Variants in MUC5B observed in about 807,000 individuals in gnomAD.
The protein encoded by MUC5B is mucin 5B, oligomeric mucus/gel-forming, also known as mucin-5B.
A neutral mutation model predicts 376.9 loss-of-function variants in MUC5B; 116 were observed. The ratio of observed to expected loss-of-function variants is 0.31; its 90% CI spans 0.26 to 0.36. The LOEUF is 0.36. Ranked by LOEUF, MUC5B falls within the 10% of genes least tolerant of loss-of-function variation. The pLI is 1.00. For synonymous variants in MUC5B, 3,517 were observed against 3,390.9 expected, an observed-to-expected ratio of 1.04 and a Z score of -1.29; for missense variants, 7,165 against 7,769.9, an observed-to-expected ratio of 0.92 and a Z score of 2.93.
At chr11:1,232,565 C>A (rs756790122) in intron 16 of MUC5B, 21 bp downstream of exon 16, 1 of 1,606,554 alleles carries the variant, frequency 6.2e-7, no homozygotes, top group Non-Finnish European at 8.5e-7. Context: ...GAGGCCAGAC[C>A]CCCACGCCTG....
rs747146861 is a variant in MUC5B, at chr11:1,231,604, G to A, written c.1678+44G>A. ...CTTCGGGGACAGGGCCATTGGGGAC[G>A]GGGCCTGGACTAGCGCCAGGCTGCA... On this transcript the variant is annotated intron_variant, in intron 14 of 48. Coordinates refer to ENST00000529681, the MANE Select transcript of MUC5B (RefSeq NM_002458.3). The A allele has an allele frequency of 3.5e-5, 53 of 1,534,484 alleles. No individual in the cohort carries two copies. In the Admixed American group the frequency reaches 5.4e-4, roughly 15 times the overall value.
chr11:1,232,780 C>T lies in MUC5B; in HGVS notation c.2065+10C>T, dbSNP rs1862058986. 6.3e-7 allele frequency: 1 copy of T among 1,585,132 alleles called. No homozygotes were observed. On this transcript the variant is annotated intron_variant, in intron 17 of 48. Transcript: ENST00000529681. ...AGGGACGGCGTCTGCAGTGAGTGCC[C>T]ACGCTGGGGGTGGGATGTGTCCACA...
At chr11:1,240,114 G>A (rs773318378) in intron 29 of MUC5B, 26 bp downstream of exon 29, 8 of 1,561,580 alleles carry the variant, frequency 5.1e-6, no homozygotes, top group African/African-American at 1.4e-5. Context: ...GGGGTTAGTG[G>A]GCCGGTGAAG....
chr11:1,256,280 C>G (rs2133851251), intron 38 of MUC5B, 55 bp downstream of exon 38: 1 of 712,512 alleles, frequency 1.4e-6, no homozygotes, highest in East Asian at 2.7e-5. Context: ...CCTGACCGGT[C>G]TGGGGGAGCA....
intron 9 of MUC5B, 77 bp downstream of exon 9, chr11:1,229,372 C>G (rs553770495): frequency 8.4e-6 from 12 of 1,434,098 alleles, no homozygotes; most frequent in African/African-American, 1.4e-5. Context: ...CCTCATCAGG[C>G]GTGGAAGCAG....
At chr11:1,225,318 T>A (rs1212413836) in intron 1 of MUC5B, among the ~76,000 whole-genome samples, 1 of 152,200 alleles carries the variant, frequency 6.6e-6, no homozygotes, top group Non-Finnish European at 1.5e-5. Context: ...TTTTCCTGAT[T>A]CCATTTTCTC....
In MUC5B at chr11:1,257,773, C is replaced by G; in HGVS notation, c.16450+63C>G. 5 of 1,485,838 alleles carry G rather than the reference C, an allele frequency of 3.4e-6. No homozygotes were observed. The highest frequency in any genetic ancestry group is 4.5e-6 in the Non-Finnish European group (5 of 1,116,068). The allele number at this position is 1,485,838 out of a possible 1,614,324, so 92.0% of individuals were successfully genotyped here. The stretch of plus-strand genomic sequence containing the variant: ...GAGGGGGGACAGAGCCGGTGCCCAC[C>G]AGGGGCCTGTGGGTTGGGCACAGGA... On this transcript the variant is annotated intron_variant, in intron 41 of 48. Coordinates refer to ENST00000529681, the MANE Select transcript of MUC5B (RefSeq NM_002458.3). This position sits in a 1 kb window ranked among gnomAD's most constrained non-coding sequence, Gnocchi z 8.9.
chr11:1,239,065 C>T, intron 26 of MUC5B, 38 bp downstream of exon 26: 3 of 1,558,736 alleles, frequency 1.9e-6, no homozygotes, highest in East Asian at 2.4e-5. Context: ...AAGGGTGGAG[C>T]TGCTGGGGCA....
intron 18 of MUC5B, 29 bp downstream of exon 18, chr11:1,233,297 C>A: frequency 6.7e-7 from 1 of 1,498,164 alleles, no homozygotes; most frequent in Non-Finnish European, 8.9e-7. Flanking sequence ...AGCAGGCCCC[C>A]CAGGTGCTCC....
At position 1,261,880 on chromosome 11, in the gene MUC5B, C is replaced by G; in HGVS notation, c.*272C>G. Reference sequence around the variant, plus strand: ...TTGCCCCTCCCTGATGTCACTGGGACGCCCTGGAACAAACTAAGCATGTGC... The same window carrying G: ...TTGCCCCTCCCTGATGTCACTGGGAGGCCCTGGAACAAACTAAGCATGTGC... On this transcript the variant is annotated 3_prime_UTR_variant, in exon 49 of 49. Coordinates refer to ENST00000529681, the MANE Select transcript of MUC5B (RefSeq NM_002458.3). 1.5e-6 allele frequency: 1 copy of G among 670,788 alleles called. No individual in the cohort carries two copies. Among genetic ancestry groups the G allele is most frequent in the Admixed American group, 2.0e-5 (1 of 48,832 alleles). The allele number at this position is 670,788 out of a possible 1,614,324, so 41.6% of individuals were successfully genotyped here.
chr11:1,233,830 T>C lies in MUC5B; in HGVS notation c.2359T>C (p.Ser787Pro). ...TGGKLSCLGASLQKSTGCAAP... is the reference protein window; with the variant it reads ...TGGKLSCLGAPLQKSTGCAAP... ...TGGGAAGCTAAGCTGCCTGGGAGCC[T>C]CTCTGCAGAAAAGCACAGGTAAGTG... Residue 787 changes from serine to proline, a missense_variant, in exon 19 of 49, where the codon TCT (serine) becomes CCT (proline). This residue lies in a region of MUC5B where 530 missense variants were observed against 604.0 expected (regional missense o/e 0.88). Transcript: ENST00000529681. 1.2e-6 allele frequency: 2 copies of C among 1,604,360 alleles called. No homozygotes were observed. The highest frequency in any genetic ancestry group is 1.7e-6 in the Non-Finnish European group (2 of 1,176,118).
chr11:1,259,132 T>TGCCCCCAAGTGAGACCCGAGGCACCC, intron 44 of MUC5B, 71 bp downstream of exon 44: 1 of 1,379,176 alleles, frequency 7.3e-7, no homozygotes, highest in Non-Finnish European at 9.7e-7. Context: ...CCGAGGCACC[T>TGCCCCCAAGTGAGACCCGAGGCACCC]GCCCCCAGGT....
At position 1,261,688 on chromosome 11, in the gene MUC5B, C is replaced by T; in HGVS notation, c.*80C>T. On this transcript the variant is annotated 3_prime_UTR_variant, in exon 49 of 49. Transcript: ENST00000529681. ...GTCTGATCATGAAAACCTTGGGCCTCCTCTGCGGAGCCCCCCGGCCTGTGT... is the reference window on the plus strand; with the variant it reads ...GTCTGATCATGAAAACCTTGGGCCTTCTCTGCGGAGCCCCCCGGCCTGTGT... 1.4e-6 allele frequency: 2 copies of T among 1,391,272 alleles called. No homozygotes were observed. Among genetic ancestry groups the T allele is most frequent in the South Asian group, 1.2e-5 (1 of 81,006 alleles). The allele number at this position is 1,391,272 out of a possible 1,614,324, so 86.2% of individuals were successfully genotyped here.
chr11:1,237,726 G>A (rs1049418663), intron 25 of MUC5B, among the ~76,000 whole-genome samples: 4 of 151,882 alleles, frequency 2.6e-5, no homozygotes, highest in Non-Finnish European at 4.4e-5. Context: ...AAAAATAGCC[G>A]GGTGTGGTGG....
At chr11:1,227,538 T>C in intron 6 of MUC5B, 137 bp from the exon 7 acceptor site, 1 of 699,154 alleles carries the variant, frequency 1.4e-6, no homozygotes, top group Non-Finnish European at 2.6e-6. Context: ...CCCTACATGG[T>C]GGGAGGAGTG....
intron 27 of MUC5B, 37 bp from the exon 28 acceptor site, chr11:1,239,762 G>T: frequency 1.3e-6 from 2 of 1,587,920 alleles, no homozygotes; most frequent in South Asian, 2.3e-5. Flanking sequence ...AGACTAAAGG[G>T]CCCTGGTGAG....
rs1359217682 is a variant in MUC5B at position 1,258,661 on chromosome 11, A to C, written c.16594-281A>C. On this transcript the variant is annotated intron_variant, in intron 43 of 48. Transcript: ENST00000529681. This position sits in a 1 kb window ranked among gnomAD's most constrained non-coding sequence, Gnocchi z 5.5. Reference sequence around the variant, plus strand: ...TCCCCGCCTGCCCGCCCAGATTCCTACCCGCCCGGATTCCTGCCTGCCAGA... The same window carrying C: ...TCCCCGCCTGCCCGCCCAGATTCCTCCCCGCCCGGATTCCTGCCTGCCAGA... Among the ~76,000 whole-genome samples the C allele has an allele frequency of 6.6e-6, 1 of 151,340 alleles. No individual in the cohort carries two copies. The highest frequency in any genetic ancestry group is 6.6e-5 in the Admixed American group (1 of 15,238).
rs1341581039 is a variant in MUC5B at position 1,260,827 on chromosome 11, T to C, written c.17069+99T>C. On this transcript the variant is annotated intron_variant, in intron 48 of 48. Transcript: ENST00000529681. ...CAGCCTGCTCTGGGTCAGGAGGGCC[T>C]ACGCCAGCTCCAGGAAGGAGGGAAG... 7 of 851,952 alleles carry C rather than the reference T, an allele frequency of 8.2e-6. No individual in the cohort carries two copies. In the East Asian group the frequency reaches 1.6e-4, roughly 19 times the overall value. The allele number at this position is 851,952 out of a possible 1,614,324, so 52.8% of individuals were successfully genotyped here.
Position 1,230,952 on chromosome 11 carries a change from C to G in MUC5B, c.1487C>G (p.Ala496Gly). The G allele has an allele frequency of 1.3e-6, 2 of 1,593,334 alleles. No homozygotes were observed. The highest frequency in any genetic ancestry group is 1.7e-6 in the Non-Finnish European group (2 of 1,171,422). Residue 496 changes from alanine to glycine, a missense_variant, in exon 13 of 49, where the codon GCG (alanine) becomes GGG (glycine). Physicochemically the swap from Ala to Gly is moderately conservative, Grantham distance 60. Coordinates refer to ENST00000529681, the MANE Select transcript of MUC5B (RefSeq NM_002458.3). ...CTTCCGCAGGCCATCCGGGTCCAAG[C>G]GGACGGCGGCGTGTTCCTCAACTCC... Reference protein sequence around the residue: ...DGGDTAIRVQADGGVFLNSIY... With the variant: ...DGGDTAIRVQGDGGVFLNSIY...
Sources: gnomAD v4.1 joint callset for allele counts (sites outside exome capture counted in the v4.1 genomes callset) on GRCh38, gnomAD v4.1.1 for gene constraint, gnomAD v4.1.1 regional missense constraint, Gnocchi (gnomAD v3.1) non-coding constraint, MANE v1.5 for transcripts, NCBI Gene and HGNC (gene_info 2026-07-23, HGNC 2026-07-21) for gene names.